MYO5C: variants seen among roughly 807,000 people sequenced by gnomAD.
The protein encoded by MYO5C is unconventional myosin-Vc.
A neutral mutation model predicts 235.7 loss-of-function variants in MYO5C; 194 were observed. That is an observed-to-expected ratio of 0.82 (90% CI 0.73 to 0.93). The LOEUF (loss-of-function observed/expected upper bound fraction) is 0.93, where lower values mean the gene tolerates loss of function less well. Among genes scored for constraint, MYO5C ranks in the 40% least tolerant of loss-of-function variants. The pLI is 0.00. For synonymous variants in MYO5C, 707 were observed against 754.8 expected (o/e 0.94, Z 1.04); for missense variants, 2,038 against 2,127.2 (o/e 0.96, Z 0.82).
At chr15:52,281,626 G>A (rs545393697) in intron 2 of MYO5C, among the ~76,000 whole-genome samples, 1 of 152,290 alleles carries the variant, frequency 6.6e-6, no homozygotes, top group East Asian at 1.9e-4. Context: ...AGCAACCCTG[G>A]GACGGTGCAC....
intron 1 of MYO5C, 47 bp downstream of exon 1, chr15:52,295,563 G>C (rs1364673469): frequency 1.3e-6 from 2 of 1,498,012 alleles, no homozygotes; most frequent in African/African-American, 1.5e-5. Flanking sequence ...GCGTTAGCAG[G>C]GCCGGCTCCC....
chr15:52,231,211 C>G (rs2035944834), intron 24 of MYO5C, among the ~76,000 whole-genome samples: 2 of 152,196 alleles, frequency 1.3e-5, no homozygotes, highest in African/African-American at 2.4e-5. Context: ...CTCTTGGAGC[C>G]TCCTGAGAAT....
At chr15:52,284,108 C>G (rs1351986385) in intron 1 of MYO5C, among the ~76,000 whole-genome samples, 1 of 151,898 alleles carries the variant, frequency 6.6e-6, no homozygotes, top group African/African-American at 2.4e-5. Flanking sequence ...TATAAGCCCC[C>G]CCCTCAAAGA....
At chr15:52,294,975 C>T (rs1431668720) in intron 1 of MYO5C, among the ~76,000 whole-genome samples, 1 of 152,154 alleles carries the variant, frequency 6.6e-6, no homozygotes, top group African/African-American at 2.4e-5. Flanking sequence ...GCTCCCCAAG[C>T]GCTTGGTGCC....
intron 22 of MYO5C, 59 bp from the exon 23 acceptor site, chr15:52,235,822 C>T (rs1216076976): frequency 1.9e-6 from 2 of 1,076,248 alleles, no homozygotes; most frequent in East Asian, 2.4e-5. Flanking sequence ...AAGTTGTCAC[C>T]ATTGCCTTTC....
At chr15:52,289,665 G>A (rs2037347464) in intron 1 of MYO5C, among the ~76,000 whole-genome samples, 2 of 151,442 alleles carry the variant, frequency 1.3e-5, no homozygotes, top group South Asian at 4.2e-4. Flanking sequence ...GGCTTCCTCA[G>A]CCAGGCTGAG....
In MYO5C at chr15:52,208,732, C is replaced by T; in HGVS notation, c.4297-89G>A. On this transcript the variant is annotated intron_variant, in intron 35 of 40. Coordinates refer to ENST00000261839, the MANE Select transcript of MYO5C (RefSeq NM_018728.4). ...TGTTTGGTTATTTGTAGCTTTTGACCAAAATTAGTTTTTCTTTTATTCACT... is the reference window on the plus strand; with the variant it reads ...TGTTTGGTTATTTGTAGCTTTTGACTAAAATTAGTTTTTCTTTTATTCACT... 4 of 1,129,584 alleles carry T rather than the reference C, an allele frequency of 3.5e-6. No individual in the cohort carries two copies. The South Asian group carries it at 5.4e-5, about 15-fold the overall frequency. The allele number at this position is 1,129,584 out of a possible 1,614,324, so 70.0% of individuals were successfully genotyped here. A position where few individuals can be genotyped will look rare whatever the true frequency, so the allele number is the denominator to read the frequency against.
At chr15:52,203,220 G>T (rs2035227899) in intron 38 of MYO5C, among the ~76,000 whole-genome samples, 1 of 151,906 alleles carries the variant, frequency 6.6e-6, no homozygotes, top group Non-Finnish European at 1.5e-5. Context: ...CACTGTGCCT[G>T]GCCCATGAAA....
At chr15:52,251,685 G>A (rs2036476835) in intron 12 of MYO5C, among the ~76,000 whole-genome samples, 170 bp from the exon 13 acceptor site, 1 of 147,980 alleles carries the variant, frequency 6.8e-6, no homozygotes, top group East Asian at 1.9e-4. Flanking sequence ...TTATTTTTGA[G>A]ATGGAGTCTG....
chr15:52,196,746 C>T lies in MYO5C; in HGVS notation c.4821-263G>A, dbSNP rs140497297. Reference sequence around the variant, plus strand: ...AAAGAACAGTGATTGCAATCACTTACGAAATACAATTTTGAAAATTGATTA... The same window carrying T: ...AAAGAACAGTGATTGCAATCACTTATGAAATACAATTTTGAAAATTGATTA... On this transcript the variant is annotated intron_variant, in intron 38 of 40. Transcript: ENST00000261839. Among the ~76,000 whole-genome samples the T allele has an allele frequency of 1.9e-3, 290 of 152,124 alleles. 1 individual carries two copies. The highest frequency in any genetic ancestry group is 6.7e-3 in the African/African-American group (276 of 41,496).
At chr15:52,286,852 CTTGT>C (rs1157278349) in intron 1 of MYO5C, among the ~76,000 whole-genome samples, 1 of 151,288 alleles carries the variant, frequency 6.6e-6, no homozygotes, top group African/African-American at 2.4e-5. Flanking sequence ...CCTCTGTTCA[CTTGT>C]TTATCTGCTG....
chr15:52,274,122 T>A (rs989872872), intron 5 of MYO5C, among the ~76,000 whole-genome samples: 1 of 152,212 alleles, frequency 6.6e-6, no homozygotes, highest in Non-Finnish European at 1.5e-5. Context: ...TGCCAACATG[T>A]CTTTACTGAG....
intron 8 of MYO5C, 70 bp downstream of exon 8, chr15:52,269,683 G>T: frequency 9.5e-7 from 1 of 1,051,640 alleles, no homozygotes; most frequent in Non-Finnish European, 1.4e-6. Flanking sequence ...GAGCCACCAC[G>T]CCTGGCCTTA....
At chr15:52,212,328 G>A (rs2035461093) in intron 34 of MYO5C, among the ~76,000 whole-genome samples, 1 of 152,180 alleles carries the variant, frequency 6.6e-6, no homozygotes, top group African/African-American at 2.4e-5. Context: ...GCCTTGAGGA[G>A]AACAGAATGG....
intron 1 of MYO5C, among the ~76,000 whole-genome samples, chr15:52,283,645 T>G (rs1284157469): frequency 6.6e-6 from 1 of 151,976 alleles, no homozygotes; most frequent in Non-Finnish European, 1.5e-5. Flanking sequence ...TAAGGTTCAG[T>G]GAGGTCATGA....
chr15:52,230,163 C>T (rs538976989), intron 24 of MYO5C, among the ~76,000 whole-genome samples: 7 of 152,314 alleles, frequency 4.6e-5, no homozygotes, highest in African/African-American at 1.7e-4. Flanking sequence ...TAGAAGGTTG[C>T]TCAATTAAAA....
rs1267408283 is a variant in MYO5C at position 52,193,465 on chromosome 15, T to C, written c.*437A>G. ...GGCAGGTCACGGTGGCCAAACGGGA[T>C]TTTTTCCTGGAAGACTCAGCACTAG... On this transcript the variant is annotated 3_prime_UTR_variant, in exon 41 of 41. Coordinates refer to ENST00000261839, the MANE Select transcript of MYO5C (RefSeq NM_018728.4). 1 of 153,536 alleles carries C rather than the reference T, an allele frequency of 6.5e-6. No individual in the cohort carries two copies. The highest frequency in any genetic ancestry group is 1.9e-4 in the East Asian group (1 of 5,210). 9.5% of individuals were successfully genotyped at this position (153,536 alleles called of 1,614,324 possible).
chr15:52,210,364 A>G (rs2035418501), intron 35 of MYO5C, among the ~76,000 whole-genome samples: 1 of 152,210 alleles, frequency 6.6e-6, no homozygotes. Flanking sequence ...AAATTCAAAT[A>G]TATCCTAATA....
chr15:52,222,248 T>C (rs2035704910), intron 29 of MYO5C, among the ~76,000 whole-genome samples: 1 of 152,224 alleles, frequency 6.6e-6, no homozygotes, highest in South Asian at 2.1e-4. Context: ...CTTGTTTGAA[T>C]GTGCAATTGG....
Sources: gnomAD v4.1 joint callset for allele counts (sites outside exome capture counted in the v4.1 genomes callset) on GRCh38, gnomAD v4.1.1 for gene constraint, MANE v1.5 for transcripts, NCBI Gene and HGNC (gene_info 2026-07-23, HGNC 2026-07-21) for gene names.